Variants in MYO7A observed in about 807,000 individuals in gnomAD.
MYO7A encodes myosin VIIA, also known as unconventional myosin-VIIa.
In MYO7A, 210 loss-of-function variants were observed where a neutral mutation model predicts 263.8. That is an observed-to-expected ratio of 0.80 (90% CI 0.71 to 0.89). MYO7A has a LOEUF of 0.89. Ranked by LOEUF, MYO7A falls within the 40% of genes least tolerant of loss-of-function variation. The pLI, the probability that MYO7A is intolerant of heterozygous loss-of-function variation, is 0.00. For synonymous variants in MYO7A, 1,239 were observed against 1,197.3 expected (o/e 1.03, Z -0.72); for missense variants, 2,820 against 2,968.3 (o/e 0.95, Z 1.16).
intron 12 of MYO7A, among the ~76,000 whole-genome samples, chr11:77,161,407 A>G (rs1952985413): frequency 6.6e-6 from 1 of 152,178 alleles, no homozygotes; most frequent in African/African-American, 2.4e-5. Flanking sequence ...GCCCAGATCC[A>G]TGCTGCAAGG....
rs1029122324 is a variant in MYO7A at position 77,212,953 on chromosome 11, A to G, written c.6356A>G (p.Gln2119Arg). The G allele has an allele frequency of 1.9e-6, 3 of 1,590,592 alleles. No homozygotes were observed. The highest frequency in any genetic ancestry group is 1.3e-5 in the African/African-American group (1 of 74,462). Reference protein sequence around the residue: ...TFGSAFFEVKQTTEPNFPEIL... With the variant: ...TFGSAFFEVKRTTEPNFPEIL... ...ATGCCTTCTCATCTTTTTTTCTAGC[A>G]AACTACGGAGCCAAACTTCCCTGAG... Residue 2119 changes from glutamine (Q) to arginine (R), a missense_variant and splice_region_variant, in exon 47 of 49, where the codon CAA becomes CGA. Physicochemically the swap from Gln to Arg is conservative, Grantham distance 43. Coordinates refer to ENST00000409709, the MANE Select transcript of MYO7A (RefSeq NM_000260.4).
At chr11:77,137,809 C>G (rs554020016) in intron 2 of MYO7A, among the ~76,000 whole-genome samples, 2 of 152,140 alleles carry the variant, frequency 1.3e-5, no homozygotes, top group South Asian at 4.1e-4. Context: ...GAGGACATAG[C>G]CTCTTCAGGG....
At chr11:77,129,820 G>A (rs893813061) in intron 1 of MYO7A, among the ~76,000 whole-genome samples, 1 of 152,248 alleles carries the variant, frequency 6.6e-6, no homozygotes, top group Non-Finnish European at 1.5e-5. Context: ...GGGCCAGTGT[G>A]TGAAGGCCAG....
chr11:77,208,626 G>A, intron 43 of MYO7A, 71 bp from the exon 44 acceptor site: 1 of 1,500,628 alleles, frequency 6.7e-7, no homozygotes, highest in Non-Finnish European at 9.1e-7. Flanking sequence ...GCCTCCTCTG[G>A]GTCTGGGCTC....
chr11:77,192,981 TGATGGTGGAGGTAGTGATGCTG>T (rs1956264751), intron 31 of MYO7A, among the ~76,000 whole-genome samples: 1 of 103,162 alleles, frequency 9.7e-6, no homozygotes, highest in East Asian at 2.5e-4. Flanking sequence ...GAGGTAGTTG[TGATGGTGGAGGTAGTGATGCTG>T]TTGGTGATGG....
intron 15 of MYO7A, among the ~76,000 whole-genome samples, chr11:77,166,767 G>C (rs1953589015): frequency 6.6e-6 from 1 of 152,176 alleles, no homozygotes. Context: ...CTAGGTGCCT[G>C]GCTGTCCCCT....
intron 41 of MYO7A, among the ~76,000 whole-genome samples, chr11:77,206,445 C>G (rs1032569460): frequency 6.6e-6 from 1 of 152,250 alleles, no homozygotes; most frequent in African/African-American, 2.4e-5. Flanking sequence ...CCCTCCCTCC[C>G]TGTCTCTGAG....
rs778678364 is a variant in MYO7A, at chr11:77,202,458, G to A, written c.5168+34G>A. ...TCCTGGGGAAGGATGGGAGCCACAG[G>A]GCTAGGAGCTGCAGGCTTCCGCTAC... is the stretch of plus-strand genomic sequence containing the variant. On this transcript the variant is annotated intron_variant, in intron 37 of 48. Transcript: ENST00000409709. 3.2e-6 allele frequency: 5 copies of A among 1,544,064 alleles called. No homozygotes were observed. In the South Asian group the frequency reaches 6.0e-5, roughly 18 times the overall value.
chr11:77,201,954 C>T (rs1157943543), intron 36 of MYO7A, among the ~76,000 whole-genome samples: 1 of 152,094 alleles, frequency 6.6e-6, no homozygotes, highest in Non-Finnish European at 1.5e-5. Flanking sequence ...TCTGGAGCCC[C>T]CTTGAGAGCA....
chr11:77,174,784 A>G lies in MYO7A; in HGVS notation c.1964A>G (p.Gln655Arg), dbSNP rs1363117128. 6.2e-7 allele frequency: 1 copy of G among 1,606,872 alleles called. No homozygotes were observed. Among genetic ancestry groups the G allele is most frequent in the Non-Finnish European group, 8.5e-7 (1 of 1,177,120 alleles). ...MLFDRHLCVR[Q>R]LRYSGMMETI... ...TTCGACCGGCACCTGTGCGTGCGCC[A>G]GCTGCGGTACTCAGGAATGATGGAG... Residue 655 changes from glutamine to arginine, a missense_variant, in exon 17 of 49, where the codon CAG becomes CGG. Coordinates refer to ENST00000409709, the MANE Select transcript of MYO7A (RefSeq NM_000260.4).
At chr11:77,194,333 C>A (rs1309076487) in intron 31 of MYO7A, 21 bp from the exon 32 acceptor site, 5 of 1,605,738 alleles carry the variant, frequency 3.1e-6, no homozygotes, top group South Asian at 1.1e-5. Flanking sequence ...CAATGCATGA[C>A]CGAGGCCTCC....
At position 77,213,850 on chromosome 11, in the gene MYO7A, G is replaced by T. The variant is rs763122669; in HGVS notation, c.6439-10G>T. The T allele has an allele frequency of 1.2e-6, 2 of 1,613,868 alleles. No homozygotes were observed. Among genetic ancestry groups the T allele is most frequent in the South Asian group, 1.1e-5 (1 of 91,090 alleles). ...GGCCGTGCCTCTCTATGCCCTTTCT[G>T]CTCCCCCAGGATATCCTCACCACTC... is the stretch of plus-strand genomic sequence containing the variant. On this transcript the variant is annotated splice_polypyrimidine_tract_variant and intron_variant, in intron 47 of 48. Coordinates refer to ENST00000409709, the MANE Select transcript of MYO7A (RefSeq NM_000260.4).
chr11:77,145,649 G>A (rs2135675831), intron 3 of MYO7A, among the ~76,000 whole-genome samples: 1 of 152,310 alleles, frequency 6.6e-6, no homozygotes, highest in African/African-American at 2.4e-5. Flanking sequence ...AGAGAGGAAT[G>A]TTCCACACGG....
intron 15 of MYO7A, among the ~76,000 whole-genome samples, chr11:77,168,091 G>A (rs774719195): frequency 4.6e-5 from 7 of 152,214 alleles, no homozygotes; most frequent in Admixed American, 3.9e-4. Flanking sequence ...CTGGCCCCTC[G>A]CTGGGCCCAT....
At chr11:77,212,226 T>A in intron 46 of MYO7A, 1 of 551,508 alleles carries the variant, frequency 1.8e-6, no homozygotes, top group Non-Finnish European at 3.5e-6. Flanking sequence ...CTCGCCCAGG[T>A]GGCAGAGCTC....
At position 77,184,649 on chromosome 11, in the gene MYO7A, G is replaced by A. The variant is rs782140421; in HGVS notation, c.3437G>A (p.Arg1146Gln). 1.5e-5 allele frequency: 24 copies of A among 1,588,260 alleles called. No homozygotes were observed. In the East Asian group the frequency reaches 2.1e-4, roughly 14 times the overall value. Residue 1146 changes from arginine to glutamine, a missense_variant, in exon 27 of 49, where the codon CGG becomes CAG. By Grantham distance (43) the Arg-to-Gln change is conservative. Coordinates refer to ENST00000409709, the MANE Select transcript of MYO7A (RefSeq NM_000260.4). ...CAGGGCAACAGCATGCTGGAGGACC[G>A]GCCCACCTCCAACCTGGAGAAGCTG... ...TVQGNSMLED[R>Q]PTSNLEKLHF...
At chr11:77,142,248 G>A (rs1204741986) in intron 2 of MYO7A, among the ~76,000 whole-genome samples, 1 of 152,214 alleles carries the variant, frequency 6.6e-6, no homozygotes, top group Admixed American at 6.5e-5. Flanking sequence ...TCCCTGTGAG[G>A]AACCTGTCAT....
intron 30 of MYO7A, 139 bp downstream of exon 30, chr11:77,191,009 C>T: frequency 1.0e-6 from 1 of 996,012 alleles, no homozygotes; most frequent in Non-Finnish European, 1.4e-6. Flanking sequence ...CTAATTGGCT[C>T]TGCCTGACTC....
At chr11:77,184,778 T>A in intron 27 of MYO7A, 63 bp downstream of exon 27, 1 of 1,573,354 alleles carries the variant, frequency 6.4e-7, no homozygotes, top group Non-Finnish European at 8.6e-7. Flanking sequence ...GTGGTGCCTC[T>A]GTCAACCTAG....
Sources: allele counts gnomAD v4.1 joint callset (sites outside exome capture counted in the v4.1 genomes callset), GRCh38; gene constraint gnomAD v4.1.1; transcripts MANE v1.5; gene names NCBI Gene and HGNC (gene_info 2026-07-23, HGNC 2026-07-21).